The following ZNF507 variants were observed in gnomAD, a reference collection of about 807,000 sequenced individuals.
ZNF507 encodes zinc finger protein 507.
ZNF507 carries 29 observed loss-of-function variants against 80.0 expected under a neutral mutation model. The ratio of observed to expected loss-of-function variants is 0.36; its 90% CI spans 0.27 to 0.49. The LOEUF (loss-of-function observed/expected upper bound fraction) is 0.49. Among genes scored for constraint, ZNF507 ranks in the 20% least tolerant of loss-of-function variants. The pLI, the probability that ZNF507 is intolerant of heterozygous loss-of-function variation, is 0.98. For synonymous variants in ZNF507, 462 were observed against 422.5 expected (o/e 1.09, Z -1.15); for missense variants, 1,081 against 1,152.2 (o/e 0.94, Z 0.90).
At chr19:32,364,697 C>CAT (rs758661375) in intron 5 of ZNF507, among the ~76,000 whole-genome samples, 20 of 151,942 alleles carry the variant, frequency 1.3e-4, no homozygotes, top group Admixed American at 7.2e-4. Context: ...AGTATTCAAT[C>CAT]ATATATATAT....
rs1410143422 is a variant in ZNF507, at chr19:32,385,092, G to A, written c.*2009G>A. 11 of 151,998 alleles carry A rather than the reference G, an allele frequency of 7.2e-5. No individual in the cohort carries two copies. The highest frequency in any genetic ancestry group is 7.2e-4 in the Admixed American group (11 of 15,256). 9.4% of individuals were successfully genotyped at this position (151,998 alleles called of 1,614,324 possible). ...TTCTGAAAATCAACAACCTTAGAAG[G>A]ATTTTGTCTTAGAAAATTTCCTTGG... is the stretch of plus-strand genomic sequence containing the variant. On this transcript the variant is annotated 3_prime_UTR_variant, in exon 7 of 7. Transcript: ENST00000355898.
At position 32,354,312 on chromosome 19, in the gene ZNF507, A is replaced by G. The variant is rs1354402635; in HGVS notation, c.1482A>G (p.Ser494=). Residue 494 remains serine (S), a synonymous_variant, in exon 3 of 7, where the codon TCA becomes TCG. Transcript: ENST00000355898. ...ATTCTGAGTCTCTTCGATTACACTC[A>G]TTAGCTGCAGAAGCCCTTGTCACAA... is the stretch of plus-strand genomic sequence containing the variant. ...RTNSESLRLH[S]LAAEALVTMP... is the part of the protein sequence containing the mutation. 6.2e-7 allele frequency: 1 copy of G among 1,614,188 alleles called. No individual in the cohort carries two copies. The highest frequency in any genetic ancestry group is 1.1e-5 in the South Asian group (1 of 91,084).
chr19:32,377,746 C>T (rs1003811010), intron 5 of ZNF507, among the ~76,000 whole-genome samples: 1 of 152,132 alleles, frequency 6.6e-6, no homozygotes, highest in African/African-American at 2.4e-5. Context: ...CTCAAGGAGG[C>T]AGTTGATTAT....
In ZNF507 at chr19:32,384,269, A is replaced by G. The variant is rs967810709; in HGVS notation, c.*1186A>G. On this transcript the variant is annotated 3_prime_UTR_variant, in exon 7 of 7. Coordinates refer to ENST00000355898, the MANE Select transcript of ZNF507 (RefSeq NM_001136156.2). ...CTATTTTGTTAGAGTGCGATAGGAC[A>G]TATGGAAAACCAACACAAAGTGCTT... 2.0e-5 allele frequency: 3 copies of G among 152,260 alleles called. No individual in the cohort carries two copies. Among genetic ancestry groups the G allele is most frequent in the Non-Finnish European group, 4.4e-5 (3 of 68,046 alleles). 9.4% of individuals were successfully genotyped at this position (152,260 alleles called of 1,614,324 possible).
At chr19:32,373,993 G>A (rs1319722678) in intron 5 of ZNF507, among the ~76,000 whole-genome samples, 1 of 152,190 alleles carries the variant, frequency 6.6e-6, no homozygotes, top group African/African-American at 2.4e-5. Context: ...ATGCATCTCT[G>A]TTTACATAGT....
chr19:32,347,260 T>TG lies in ZNF507; in HGVS notation c.-80dup, dbSNP rs1967108561. ...TTGGCCACAGCTGGATTTTGAAGAT[T>TG]GATCCAAGGGACTGTATTAATTTCA... On this transcript the variant is annotated 5_prime_UTR_variant, in exon 2 of 7. Transcript: ENST00000355898. 1 of 152,742 alleles carries TG rather than the reference T, an allele frequency of 6.5e-6. No individual in the cohort carries two copies. The highest frequency in any genetic ancestry group is 2.4e-5 in the African/African-American group (1 of 41,442). 9.5% of individuals were successfully genotyped at this position (152,742 alleles called of 1,614,324 possible).
intron 5 of ZNF507, among the ~76,000 whole-genome samples, chr19:32,381,573 A>G (rs751346804): frequency 2.0e-4 from 30 of 152,110 alleles, no homozygotes; most frequent in Non-Finnish European, 3.5e-4. Context: ...GCAAGACTGC[A>G]CTCCAGCCTG....
intron 5 of ZNF507, among the ~76,000 whole-genome samples, chr19:32,369,100 T>TA (rs1967436404): frequency 2.0e-5 from 3 of 152,246 alleles, no homozygotes; most frequent in African/African-American, 7.2e-5. Flanking sequence ...AGCCAAGTTA[T>TA]AAGAAGCCTT....
chr19:32,356,579 A>G, intron 3 of ZNF507, 37 bp from the exon 4 acceptor site: 2 of 1,482,428 alleles, frequency 1.3e-6, no homozygotes, highest in Non-Finnish European at 9.4e-7. Context: ...GGACATGTAT[A>G]TTTATTGAAA....
chr19:32,352,068 A>AG (rs1160434016), intron 2 of ZNF507, among the ~76,000 whole-genome samples: 5 of 140,806 alleles, frequency 3.6e-5, no homozygotes, highest in Admixed American at 1.4e-4. Flanking sequence ...TTACCCTTTC[A>AG]GGGAAAAAAA....
At chr19:32,346,168 A>G (rs1269579190) in intron 1 of ZNF507, among the ~76,000 whole-genome samples, 1 of 152,168 alleles carries the variant, frequency 6.6e-6, no homozygotes, top group African/African-American at 2.4e-5. Flanking sequence ...AAGCTCCCTC[A>G]TTCCCGACCC....
At position 32,384,668 on chromosome 19, in the gene ZNF507, ATTAT is replaced by A. The variant is rs1322622166; in HGVS notation, c.*1589_*1592del. ...AATATTTATAAAATTATTATTAGGA[ATTAT>A]TTAAGTGGGGCCAGGCATCTTGCAA... On this transcript the variant is annotated 3_prime_UTR_variant, in exon 7 of 7. Transcript: ENST00000355898. The A allele has an allele frequency of 6.6e-6, 1 of 150,770 alleles. No individual in the cohort carries two copies. Among genetic ancestry groups the A allele is most frequent in the African/African-American group, 2.4e-5 (1 of 40,978 alleles). The allele number at this position is 150,770 out of a possible 1,614,324, so 9.3% of individuals were successfully genotyped here. A position where few individuals can be genotyped will look rare whatever the true frequency, so the allele number is the denominator to read the frequency against.
rs1213747525 is a variant in ZNF507 at position 32,360,375 on chromosome 19, A to G, written c.2246-129A>G. 6.2e-6 allele frequency: 3 copies of G among 487,706 alleles called. No individual in the cohort carries two copies. The Admixed American group carries it at 1.2e-4, about 20-fold the overall frequency. The allele number at this position is 487,706 out of a possible 1,614,324, so 30.2% of individuals were successfully genotyped here. On this transcript the variant is annotated intron_variant, in intron 4 of 6. Transcript: ENST00000355898. ...AAAACCACTTCAGACTTGTTAAAAC[A>G]GTGAGAAAGCCGTGATTGAAATATT...
chr19:32,372,353 A>G (rs749945551), intron 5 of ZNF507, among the ~76,000 whole-genome samples: 8 of 152,202 alleles, frequency 5.3e-5, no homozygotes, highest in Non-Finnish European at 1.0e-4. Flanking sequence ...AAGGGTTTAA[A>G]TAAAGAGAGA....
intron 5 of ZNF507, among the ~76,000 whole-genome samples, chr19:32,369,255 A>G (rs140955085): frequency 6.7e-4 from 102 of 152,334 alleles, no homozygotes; most frequent in Non-Finnish European, 1.2e-3. Context: ...TGGATCTAGC[A>G]ATGGCCATAT....
chr19:32,351,178 A>G (rs948105275), intron 2 of ZNF507, among the ~76,000 whole-genome samples: 1 of 152,308 alleles, frequency 6.6e-6, no homozygotes, highest in African/African-American at 2.4e-5. Flanking sequence ...CATGGAATGC[A>G]TGTGAGGGCA....
intron 3 of ZNF507, among the ~76,000 whole-genome samples, chr19:32,355,311 C>G (rs796848878): frequency 1.4e-4 from 22 of 152,264 alleles, no homozygotes; most frequent in African/African-American, 5.1e-4. Context: ...ACAAATTTAA[C>G]CGTACATCAT....
Position 32,354,410 on chromosome 19 carries a change from A to G in ZNF507, c.1580A>G (p.Asp527Gly). Residue 527 changes from aspartate (D) to glycine (G), a missense_variant, in exon 3 of 7, where the codon GAT becomes GGT. Physicochemically the swap from Asp to Gly is moderately conservative, Grantham distance 94. This residue lies in a region of ZNF507 where 614 missense variants were observed against 583.9 expected (regional missense o/e 1.05). Transcript: ENST00000355898. ...GGAGATATAAACCTTTTAGATCCAG[A>G]TACTAGTCAAAGGCAAGTAGATAGT... is the stretch of plus-strand genomic sequence containing the variant. ...HYGDINLLDP[D>G]TSQRQVDSTL... The G allele has an allele frequency of 1.2e-6, 2 of 1,614,154 alleles. No individual in the cohort carries two copies. Among genetic ancestry groups the G allele is most frequent in the Non-Finnish European group, 1.7e-6 (2 of 1,180,036 alleles).
intron 2 of ZNF507, among the ~76,000 whole-genome samples, chr19:32,348,392 A>G (rs1448359421): frequency 6.6e-6 from 1 of 152,174 alleles, no homozygotes; most frequent in African/African-American, 2.4e-5. Flanking sequence ...TCTTCATATA[A>G]ACACAGAAAA....
Sources: allele counts gnomAD v4.1 joint callset (sites outside exome capture counted in the v4.1 genomes callset), GRCh38; gene constraint gnomAD v4.1.1; regional missense constraint gnomAD v4.1.1; transcripts MANE v1.5; gene names NCBI Gene and HGNC (gene_info 2026-07-23, HGNC 2026-07-21).